TMEM232: variants seen among roughly 807,000 people sequenced by gnomAD.
The protein encoded by TMEM232 is transmembrane protein 232.
A neutral mutation model predicts 78.8 loss-of-function variants in TMEM232; 80 were observed. The observed-to-expected ratio is 1.01, with a 90% CI of 0.85 to 1.22. TMEM232 has a LOEUF of 1.22. TMEM232 is among the 50% of genes most tolerant of loss of function. TMEM232 has a pLI of 0.00. For missense variants in TMEM232, 881 were observed against 742.2 expected, an observed-to-expected ratio of 1.19 and a Z score of -2.17; for synonymous variants, 297 against 254.3, an observed-to-expected ratio of 1.17 and a Z score of -1.60.
At chr5:110,400,251 G>A (rs879032811) in intron 2 of TMEM232, among the ~76,000 whole-genome samples, 17 of 152,164 alleles carry the variant, frequency 1.1e-4, no homozygotes, top group East Asian at 5.8e-4. Context: ...CCTGTAAAAC[G>A]TGCGATATTG....
intron 11 of TMEM232, among the ~76,000 whole-genome samples, chr5:110,531,515 C>A (rs544128310): frequency 2.4e-4 from 36 of 152,208 alleles, no homozygotes; most frequent in Middle Eastern, 3.2e-3. Context: ...ACCTCTCTCA[C>A]TATCCCTCAA....
At chr5:110,715,360 C>G (rs917705392) in intron 1 of TMEM232, among the ~76,000 whole-genome samples, 1 of 151,734 alleles carries the variant, frequency 6.6e-6, no homozygotes, top group South Asian at 2.1e-4. Context: ...AGTATAGAGA[C>G]TAAATGTAAA....
At chr5:110,463,727 T>A (rs1316515839) in intron 12 of TMEM232, among the ~76,000 whole-genome samples, 1 of 152,200 alleles carries the variant, frequency 6.6e-6, no homozygotes, top group African/African-American at 2.4e-5. Context: ...ATATCCAATT[T>A]ATTGGCAAAT....
chr5:110,705,281 G>A (rs917324808), intron 1 of TMEM232, among the ~76,000 whole-genome samples: 2 of 152,082 alleles, frequency 1.3e-5, no homozygotes, highest in African/African-American at 2.4e-5. Flanking sequence ...GGTCAAAACA[G>A]CATTAGGTGC....
chr5:110,579,679 C>T (rs762723705), intron 10 of TMEM232, among the ~76,000 whole-genome samples: 6 of 150,278 alleles, frequency 4.0e-5, no homozygotes, highest in East Asian at 3.9e-4. Flanking sequence ...AGAAGTTACA[C>T]GAAAGAAAAA....
intron 12 of TMEM232, among the ~76,000 whole-genome samples, chr5:110,479,505 A>G (rs563019124): frequency 2.6e-5 from 4 of 151,962 alleles, no homozygotes; most frequent in East Asian, 3.9e-4. Flanking sequence ...ACTAGAGATT[A>G]CCTGTGATGG....
At chr5:110,713,249 A>G (rs1796680731) in intron 1 of TMEM232, among the ~76,000 whole-genome samples, 1 of 152,144 alleles carries the variant, frequency 6.6e-6, no homozygotes, top group Non-Finnish European at 1.5e-5. Flanking sequence ...ACAGGCTGGG[A>G]AAGGTGGTAA....
intron 2 of TMEM232, among the ~76,000 whole-genome samples, chr5:110,659,850 T>TAAAAAAAAA (rs1164345433): frequency 2.1e-4 from 32 of 151,992 alleles, no homozygotes; most frequent in African/African-American, 7.7e-4. Flanking sequence ...CAGATCAGAA[T>TAAAAAAAAA]AAAATGTTCA....
At chr5:110,672,490 C>T (rs11954541) in intron 1 of TMEM232, among the ~76,000 whole-genome samples, 2,930 of 152,120 alleles carry the variant, frequency 0.019, 85 homozygotes, top group African/African-American at 0.068. Flanking sequence ...TTTGTGCCCT[C>T]TAATATATTT....
Position 110,605,259 on chromosome 5 carries a change from C to T in TMEM232, c.1126G>A (p.Asp376Asn), listed in dbSNP as rs535096279. Residue 376 changes from aspartate (D) to asparagine (N), a missense_variant, in exon 10 of 14, where the codon GAT becomes AAT. Physicochemically the swap from Asp to Asn is conservative, Grantham distance 23. Coordinates refer to ENST00000455884, the MANE Select transcript of TMEM232 (RefSeq NM_001039763.4). Reference protein sequence around the residue: ...AEICLYAATSDLRKTALIGFC... With the variant: ...AEICLYAATSNLRKTALIGFC... ...CCAATTAAAGCAGTTTTTCGCAAAT[C>T]AGAAGTGGCTGCATACAAGCAGATT... The T allele has an allele frequency of 6.4e-7, 1 of 1,551,172 alleles. No homozygotes were observed. Among genetic ancestry groups the T allele is most frequent in the South Asian group, 1.2e-5 (1 of 84,030 alleles).
At chr5:110,668,287 A>C (rs1483723207) in intron 1 of TMEM232, among the ~76,000 whole-genome samples, 2 of 152,162 alleles carry the variant, frequency 1.3e-5, no homozygotes, top group African/African-American at 4.8e-5. Context: ...AAGACAGAAC[A>C]GCTATTAAAG....
At chr5:110,412,389 G>T (rs1756029356) in intron 2 of TMEM232, among the ~76,000 whole-genome samples, 1 of 152,064 alleles carries the variant, frequency 6.6e-6, no homozygotes, top group African/African-American at 2.4e-5. Context: ...TAAAGTAAAT[G>T]AAAATCATTG....
At chr5:110,691,741 C>T (rs975474421) in intron 1 of TMEM232, among the ~76,000 whole-genome samples, 1 of 152,190 alleles carries the variant, frequency 6.6e-6, no homozygotes, top group Admixed American at 6.5e-5. Flanking sequence ...TAACATTTTA[C>T]CCTACATACC....
intron 12 of TMEM232, among the ~76,000 whole-genome samples, chr5:110,436,095 C>G (rs1378094245): frequency 6.6e-6 from 1 of 151,812 alleles, no homozygotes; most frequent in Non-Finnish European, 1.5e-5. Flanking sequence ...GGGATCCCTT[C>G]TCTCCACATC....
In TMEM232 at chr5:110,420,089, T is replaced by C. The variant is rs1345948694; in HGVS notation, c.*491A>G. 6.6e-6 allele frequency: 1 copy of C among 152,354 alleles called. No homozygotes were observed. The highest frequency in any genetic ancestry group is 1.5e-5 in the Non-Finnish European group (1 of 68,188). The allele number at this position is 152,354 out of a possible 1,614,324, so 9.4% of individuals were successfully genotyped here. A position where few individuals can be genotyped will look rare whatever the true frequency, so the allele number is the denominator to read the frequency against. ...AGGGTTTGTTTGGTTTGGTATAAAT[T>C]GACTATAAAATGCCAATCAAATAAG... is the stretch of plus-strand genomic sequence containing the variant. On this transcript the variant is annotated 3_prime_UTR_variant, in exon 14 of 14. Coordinates refer to ENST00000455884, the MANE Select transcript of TMEM232 (RefSeq NM_001039763.4).
At chr5:110,435,990 G>A (rs1337512527) in intron 12 of TMEM232, among the ~76,000 whole-genome samples, 2 of 151,948 alleles carry the variant, frequency 1.3e-5, no homozygotes, top group Non-Finnish European at 2.9e-5. Context: ...GAGATTGCTG[G>A]ATCATGTGAT....
chr5:110,482,122 A>T (rs1172775480), intron 12 of TMEM232, among the ~76,000 whole-genome samples: 1 of 152,188 alleles, frequency 6.6e-6, no homozygotes, highest in Non-Finnish European at 1.5e-5. Context: ...TAAAATTAAT[A>T]GAATAGACAA....
intron 1 of TMEM232, among the ~76,000 whole-genome samples, chr5:110,705,104 T>G (rs1409846751): frequency 1.3e-5 from 2 of 152,304 alleles, no homozygotes; most frequent in East Asian, 3.9e-4. Flanking sequence ...AGGTAACTTC[T>G]ACCCATCTCA....
intron 2 of TMEM232, among the ~76,000 whole-genome samples, chr5:110,405,514 T>A (rs1755755980): frequency 6.6e-6 from 1 of 151,714 alleles, no homozygotes; most frequent in East Asian, 1.9e-4. Context: ...AAAAATATAT[T>A]AAGTAATTTA....
Sources: allele counts gnomAD v4.1 joint callset (sites outside exome capture counted in the v4.1 genomes callset), GRCh38; gene constraint gnomAD v4.1.1; transcripts MANE v1.5; gene names NCBI Gene and HGNC (gene_info 2026-07-23, HGNC 2026-07-21).